UMODL1: variants seen among roughly 807,000 people sequenced by gnomAD.
The protein encoded by UMODL1 is uromodulin like 1.
In UMODL1, 128 loss-of-function variants were observed where a neutral mutation model predicts 136.3. That is an observed-to-expected ratio of 0.94 (90% CI 0.81 to 1.09). UMODL1 has a LOEUF of 1.09. Ranked by LOEUF, UMODL1 falls within the 50% of genes least tolerant of loss-of-function variation. The probability of loss-of-function intolerance (pLI) is 0.00; values close to 1 mark genes in which losing one functional copy is unlikely to be tolerated. For synonymous variants in UMODL1, 721 were observed against 720.0 expected (o/e 1.00, Z -0.02); for missense variants, 1,766 against 1,725.6 (o/e 1.02, Z -0.41).
Position 42,076,228 on chromosome 21 carries a change from C to A in UMODL1, c.300C>A (p.Leu100=). The A allele has an allele frequency of 6.2e-7, 1 of 1,614,216 alleles. No homozygotes were observed. Among genetic ancestry groups the A allele is most frequent in the South Asian group, 1.1e-5 (1 of 91,084 alleles). ...VTDCCEGYEQ[L]GLYCVLPLNQ... ...ACTGCTGTGAGGGCTATGAACAGCTCGGCCTCTACTGTGTCTTGCGTGAGT... is the reference window on the plus strand; with the variant it reads ...ACTGCTGTGAGGGCTATGAACAGCTAGGCCTCTACTGTGTCTTGCGTGAGT... The change falls in exon 2 of 23, where the codon CTC becomes CTA. Residue 100 remains leucine, a synonymous_variant. Coordinates refer to ENST00000408910, the MANE Select transcript of UMODL1 (RefSeq NM_001004416.3).
chr21:42,122,722 T>C lies in UMODL1; in HGVS notation c.2828-109T>C. ...GGCTGGAACATGCGGTTCCCAGGTGTGGCTGCTGCAGAGTGCAGGGCAGCT... is the reference window on the plus strand; with the variant it reads ...GGCTGGAACATGCGGTTCCCAGGTGCGGCTGCTGCAGAGTGCAGGGCAGCT... On this transcript the variant is annotated intron_variant, in intron 16 of 22. Coordinates refer to ENST00000408910, the MANE Select transcript of UMODL1 (RefSeq NM_001004416.3). The surrounding 1 kb of genome is among the most constrained non-coding windows in gnomAD (Gnocchi z 4.3). The C allele has an allele frequency of 8.9e-7, 1 of 1,119,090 alleles. No homozygotes were observed. Among genetic ancestry groups the C allele is most frequent in the Non-Finnish European group, 1.2e-6 (1 of 806,842 alleles). The allele number at this position is 1,119,090 out of a possible 1,614,324, so 69.3% of individuals were successfully genotyped here. A position where few individuals can be genotyped will look rare whatever the true frequency, so the allele number is the denominator to read the frequency against.
intron 8 of UMODL1, chr21:42,102,685 G>T (rs1601219996): frequency 6.5e-6 from 1 of 154,412 alleles, no homozygotes; most frequent in Non-Finnish European, 1.4e-5. Flanking sequence ...CAGACAGCCA[G>T]GGAGAAGCAA....
Position 42,111,307 on chromosome 21 carries a change from CG to C in UMODL1, c.1899+187del, listed in dbSNP as rs762710301. 468 of 1,385,898 alleles carry C rather than the reference CG, an allele frequency of 3.4e-4. 1 individual carries two copies. The highest frequency in any genetic ancestry group is 2.3e-4 in the Middle Eastern group (1 of 4,416). The allele number at this position is 1,385,898 out of a possible 1,614,324, so 85.9% of individuals were successfully genotyped here. A position where few individuals can be genotyped will look rare whatever the true frequency, so the allele number is the denominator to read the frequency against. ...ACCCCAGCCAGCGGAGCACCAGCCA[CG>C]CGAACTCCAGCCAGGGGAGCCCCAG... On this transcript the variant is annotated intron_variant, in intron 11 of 22. Coordinates refer to ENST00000408910, the MANE Select transcript of UMODL1 (RefSeq NM_001004416.3).
intron 1 of UMODL1, among the ~76,000 whole-genome samples, chr21:42,072,737 G>T (rs1266280726): frequency 6.6e-6 from 1 of 152,260 alleles, no homozygotes; most frequent in African/African-American, 2.4e-5. Context: ...TGCAACAGGG[G>T]TTTGTGAGCC....
In UMODL1 at chr21:42,142,080, C is replaced by T. The variant is rs931789130; in HGVS notation, c.*22-16C>T. ...CTGCGTGCAAGCTGACCCAGGTGAC[C>T]TCTTCCTCCACACAGGTCGCCGTGA... is the stretch of plus-strand genomic sequence containing the variant. On this transcript the variant is annotated splice_polypyrimidine_tract_variant and intron_variant, in intron 22 of 22. Coordinates refer to ENST00000408910, the MANE Select transcript of UMODL1 (RefSeq NM_001004416.3). 6.6e-6 allele frequency: 1 copy of T among 152,248 alleles called. No individual in the cohort carries two copies. Among genetic ancestry groups the T allele is most frequent in the African/African-American group, 2.4e-5 (1 of 41,448 alleles). 9.4% of individuals were successfully genotyped at this position (152,248 alleles called of 1,614,324 possible).
At chr21:42,125,809 G>A (rs2067045339) in intron 17 of UMODL1, among the ~76,000 whole-genome samples, 2 of 152,194 alleles carry the variant, frequency 1.3e-5, no homozygotes, top group African/African-American at 4.8e-5. Flanking sequence ...GAGGGTGCAG[G>A]ACAGCCTGCC....
intron 1 of UMODL1, 115 bp from the exon 2 acceptor site, chr21:42,075,890 G>A (rs1303095870): frequency 1.2e-5 from 18 of 1,482,542 alleles, no homozygotes; most frequent in African/African-American, 2.8e-5. Flanking sequence ...AGAGGCCTGC[G>A]CGAGTGCGGG....
At chr21:42,064,991 C>T (rs1323007325) in intron 1 of UMODL1, among the ~76,000 whole-genome samples, 1 of 152,202 alleles carries the variant, frequency 6.6e-6, no homozygotes, top group Non-Finnish European at 1.5e-5. Flanking sequence ...TCTGTTTTTA[C>T]TTTTGAAAAT....
At chr21:42,137,414 C>T in intron 21 of UMODL1, 25 bp from the exon 22 acceptor site, 2 of 1,613,124 alleles carry the variant, frequency 1.2e-6, no homozygotes, top group Non-Finnish European at 1.7e-6. Flanking sequence ...GCAGATCTCT[C>T]ACCTGTGCCT....
intron 14 of UMODL1, among the ~76,000 whole-genome samples, 187 bp downstream of exon 14, chr21:42,116,172 C>CA (rs56162491): frequency 0.031 from 2,340 of 74,874 alleles, 73 homozygotes; most frequent in African/African-American, 0.078. Flanking sequence ...CCATCTCCAC[C>CA]AAAAAAAAAA....
chr21:42,073,534 T>A (rs1422566442), intron 1 of UMODL1, among the ~76,000 whole-genome samples: 1 of 152,176 alleles, frequency 6.6e-6, no homozygotes, highest in Non-Finnish European at 1.5e-5. Context: ...CCAGTCCCTG[T>A]TGCTTGTGGA....
chr21:42,111,359 CCCAGCCAGGGGAGCA>C (rs764568207), intron 11 of UMODL1, 132 bp from the exon 12 acceptor site: 27 of 1,610,254 alleles, frequency 1.7e-5, no homozygotes, highest in Non-Finnish European at 2.2e-5. Context: ...CCAGGAGAGC[CCCAGCCAGGGGAGCA>C]CCAGCCAGGC....
chr21:42,130,792 C>G (rs1181482853), intron 21 of UMODL1, among the ~76,000 whole-genome samples: 1 of 150,378 alleles, frequency 6.6e-6, no homozygotes, highest in Admixed American at 6.6e-5. Context: ...CAAGGCAGGC[C>G]TGGGTTCTGA....
intron 6 of UMODL1, among the ~76,000 whole-genome samples, chr21:42,094,350 G>T (rs1051511633): frequency 2.0e-5 from 3 of 152,210 alleles, no homozygotes; most frequent in Non-Finnish European, 4.4e-5. Flanking sequence ...AGTCACGGCT[G>T]CCCGGGAAGA....
In UMODL1 at chr21:42,127,232, A is replaced by G. The variant is rs2067070872; in HGVS notation, c.3520A>G (p.Ile1174Val). ...CCGGGACCCCATCACCTTCAGCTTCATTAACAACAGGTAGGGCTCAGGAGT... is the reference window on the plus strand; with the variant it reads ...CCGGGACCCCATCACCTTCAGCTTCGTTAACAACAGGTAGGGCTCAGGAGT... ...NARDPITFSF[I>V]NNSCPVPNTY... The change falls in exon 19 of 23, where the codon ATT becomes GTT. Residue 1174 changes from isoleucine to valine, a missense_variant. Ile to Val is a conservative substitution (Grantham distance 29). Transcript: ENST00000408910. 11 of 1,614,068 alleles carry G rather than the reference A, an allele frequency of 6.8e-6. No homozygotes were observed. The highest frequency in any genetic ancestry group is 9.3e-6 in the Non-Finnish European group (11 of 1,180,020).
chr21:42,089,802 G>A (rs1245369127), intron 5 of UMODL1, among the ~76,000 whole-genome samples: 1 of 152,240 alleles, frequency 6.6e-6, no homozygotes, highest in Non-Finnish European at 1.5e-5. Flanking sequence ...TGACACATGA[G>A]CTTATCGCGC....
chr21:42,137,897 A>G (rs568336137), intron 22 of UMODL1, among the ~76,000 whole-genome samples: 103 of 151,788 alleles, frequency 6.8e-4, no homozygotes, highest in Non-Finnish European at 1.1e-3. Context: ...AAGGGTAGAT[A>G]TGTGTGTGTC....
At position 42,137,452 on chromosome 21, in the gene UMODL1, T is replaced by G; in HGVS notation, c.3789T>G (p.His1263Gln). ...CTCCTCCCCGAGGTGAGCCTCCTCA[T>G]GCAGAAGCAGGCCTGGGTGCCGGTT... ...PLIRSEGEPPHAEAGLGAGYV... is the reference protein window; with the variant it reads ...PLIRSEGEPPQAEAGLGAGYV... Residue 1263 changes from histidine (H) to glutamine (Q), a missense_variant, in exon 22 of 23, where the codon CAT (histidine) becomes CAG (glutamine). His to Gln is a conservative substitution (Grantham distance 24). Coordinates refer to ENST00000408910, the MANE Select transcript of UMODL1 (RefSeq NM_001004416.3). 6.2e-7 allele frequency: 1 copy of G among 1,614,226 alleles called. No individual in the cohort carries two copies. Among genetic ancestry groups the G allele is most frequent in the South Asian group, 1.1e-5 (1 of 91,088 alleles).
At position 42,120,121 on chromosome 21, in the gene UMODL1, C is replaced by T. The variant is rs367837592; in HGVS notation, c.2689+797C>T. On this transcript the variant is annotated intron_variant, in intron 15 of 22. Coordinates refer to ENST00000408910, the MANE Select transcript of UMODL1 (RefSeq NM_001004416.3). ...AAAGATGTGGTAACCCAAGACATCC[C>T]CATTAGAATGCATTGCACTGTTTGC... is the stretch of plus-strand genomic sequence containing the variant. 9.2e-5 allele frequency among the ~76,000 whole-genome samples: 14 copies of T among 152,238 alleles called. 3 individuals are homozygous for T. Among genetic ancestry groups the T allele is most frequent in the Admixed American group, 2.6e-4 (4 of 15,300 alleles).
Sources: allele counts gnomAD v4.1 joint callset (sites outside exome capture counted in the v4.1 genomes callset), GRCh38; gene constraint gnomAD v4.1.1; non-coding constraint Gnocchi (gnomAD v3.1); transcripts MANE v1.5; gene names NCBI Gene and HGNC (gene_info 2026-07-23, HGNC 2026-07-21).